Variants in CADM2 observed in about 807,000 individuals in gnomAD.
CADM2 encodes the protein cell adhesion molecule 2.
Under a neutral mutation model 49.8 loss-of-function variants are expected in CADM2, and 12 were observed. That is an observed-to-expected ratio of 0.24 (90% confidence interval 0.15 to 0.39). The LOEUF (loss-of-function observed/expected upper bound fraction) is 0.39. Among genes scored for constraint, CADM2 ranks in the 10% least tolerant of loss-of-function variants. CADM2 has a pLI of 1.00. For missense variants in CADM2, 378 were observed against 492.3 expected, an observed-to-expected ratio of 0.77 and a Z score of 2.20; for synonymous variants, 214 against 175.4, an observed-to-expected ratio of 1.22 and a Z score of -1.74.
At chr3:85,795,624 A>C (rs376917046) in intron 2 of CADM2, among the ~76,000 whole-genome samples, 2 of 152,324 alleles carry the variant, frequency 1.3e-5, no homozygotes, top group East Asian at 3.9e-4. Context: ...AGAGGACTCT[A>C]ACAAACATTA....
At chr3:84,980,709 A>C (rs1036769095) in intron 1 of CADM2, among the ~76,000 whole-genome samples, 7 of 152,166 alleles carry the variant, frequency 4.6e-5, no homozygotes, top group Non-Finnish European at 7.4e-5. Context: ...GACTTTAAAT[A>C]ACTGATGCTA....
intron 2 of CADM2, among the ~76,000 whole-genome samples, chr3:85,754,420 C>G (rs950883957): frequency 6.6e-6 from 1 of 152,156 alleles, no homozygotes; most frequent in African/African-American, 2.4e-5. Flanking sequence ...CTCTAACACT[C>G]TAACACTAAG....
intron 1 of CADM2, among the ~76,000 whole-genome samples, chr3:85,683,597 C>T (rs1336438309): frequency 1.3e-5 from 2 of 152,054 alleles, no homozygotes; most frequent in Admixed American, 6.5e-5. Context: ...CTGGTTTATT[C>T]TTAGTAATGC....
At chr3:85,780,284 T>C (rs2070572356) in intron 2 of CADM2, among the ~76,000 whole-genome samples, 2 of 152,186 alleles carry the variant, frequency 1.3e-5, no homozygotes, top group African/African-American at 2.4e-5. Context: ...AGTGTACTTA[T>C]TCAGAGATGC....
chr3:85,710,310 G>T (rs1465756230), intron 1 of CADM2, among the ~76,000 whole-genome samples: 2 of 152,008 alleles, frequency 1.3e-5, no homozygotes, highest in African/African-American at 4.8e-5. Context: ...TTTCTTATGT[G>T]TGGAAATGAT....
At chr3:85,313,180 G>A (rs1222371523) in intron 1 of CADM2, among the ~76,000 whole-genome samples, 8 of 152,194 alleles carry the variant, frequency 5.3e-5, no homozygotes, top group Non-Finnish European at 1.2e-4. Context: ...GCGGCTATCA[G>A]GGAAGCTTCT....
chr3:85,539,418 T>C (rs964306197), intron 1 of CADM2, among the ~76,000 whole-genome samples: 3 of 152,134 alleles, frequency 2.0e-5, no homozygotes, highest in Non-Finnish European at 4.4e-5. Context: ...AGTATCTCAG[T>C]TCCTCTTTTA....
intron 1 of CADM2, among the ~76,000 whole-genome samples, chr3:85,661,362 A>G (rs1191396499): frequency 6.8e-6 from 1 of 147,498 alleles, no homozygotes; most frequent in Non-Finnish European, 1.5e-5. Context: ...TTTGGGAGTA[A>G]ATGAGATCAT....
chr3:85,591,730 A>G (rs1202980040), intron 1 of CADM2, among the ~76,000 whole-genome samples: 1 of 152,040 alleles, frequency 6.6e-6, no homozygotes, highest in African/African-American at 2.4e-5. Flanking sequence ...GCTAGCTAGA[A>G]TAGAGCCCCT....
intron 1 of CADM2, among the ~76,000 whole-genome samples, chr3:85,634,891 T>G (rs1576983575): frequency 6.6e-6 from 1 of 152,200 alleles, no homozygotes; most frequent in South Asian, 2.1e-4. Flanking sequence ...AAAATTAATT[T>G]TTTTTAAATG....
chr3:85,761,367 CTTTTTTTTTT>C (rs529447125), intron 2 of CADM2, among the ~76,000 whole-genome samples: 8 of 101,092 alleles, frequency 7.9e-5, no homozygotes, highest in Non-Finnish European at 1.3e-4. Flanking sequence ...CAACACAAAA[CTTTTTTTTTT>C]TTTTTTTTTT....
chr3:85,657,124 C>A (rs2065223974), intron 1 of CADM2, among the ~76,000 whole-genome samples: 1 of 152,166 alleles, frequency 6.6e-6, no homozygotes, highest in Non-Finnish European at 1.5e-5. Flanking sequence ...AAACTTTTAG[C>A]TAGCTATATT....
At chr3:85,645,383 A>G (rs891835576) in intron 1 of CADM2, among the ~76,000 whole-genome samples, 9 of 152,054 alleles carry the variant, frequency 5.9e-5, no homozygotes, top group Admixed American at 1.3e-4. Context: ...GGTACCAAAT[A>G]CAATTTTCTA....
intron 1 of CADM2, among the ~76,000 whole-genome samples, chr3:85,174,692 T>G (rs2040729335): frequency 6.6e-6 from 1 of 152,142 alleles, no homozygotes; most frequent in South Asian, 2.1e-4. Context: ...ATGTATTCAC[T>G]CTTTCAAGCT....
chr3:85,495,833 A>G (rs1020569483), intron 1 of CADM2, among the ~76,000 whole-genome samples: 2 of 152,018 alleles, frequency 1.3e-5, no homozygotes, highest in African/African-American at 4.8e-5. Flanking sequence ...CAAAGACCGC[A>G]CAAGCCATTC....
chr3:85,220,880 G>T (rs2042029554), intron 1 of CADM2, among the ~76,000 whole-genome samples: 2 of 151,972 alleles, frequency 1.3e-5, no homozygotes, highest in Non-Finnish European at 2.9e-5. Context: ...GAGTCTATAA[G>T]GCAAAACAAA....
chr3:85,272,339 G>A (rs927751721), intron 1 of CADM2, among the ~76,000 whole-genome samples: 4 of 151,030 alleles, frequency 2.6e-5, no homozygotes, highest in South Asian at 2.1e-4. Context: ...TATACAATTC[G>A]TTGTACCACA....
At chr3:85,093,994 G>A (rs1449649220) in intron 1 of CADM2, among the ~76,000 whole-genome samples, 3 of 152,094 alleles carry the variant, frequency 2.0e-5, no homozygotes, top group Admixed American at 6.6e-5. Flanking sequence ...GAATCTCTAA[G>A]TGATATCCCC....
At chr3:85,565,199 A>G (rs1019946580) in intron 1 of CADM2, among the ~76,000 whole-genome samples, 1 of 151,080 alleles carries the variant, frequency 6.6e-6, no homozygotes, top group African/African-American at 2.4e-5. Context: ...TAACTTGTGC[A>G]TGTATCTGTC....
Sources: gnomAD v4.1 joint callset for allele counts (sites outside exome capture counted in the v4.1 genomes callset) on GRCh38, gnomAD v4.1.1 for gene constraint, MANE v1.5 for transcripts, NCBI Gene and HGNC (gene_info 2026-07-23, HGNC 2026-07-21) for gene names.